The following ACY3 variants were observed in gnomAD, a reference collection of about 807,000 sequenced individuals.
ACY3 encodes N-acyl-aromatic-L-amino acid amidohydrolase (carboxylate-forming).
In ACY3, 20 loss-of-function variants were observed where a neutral mutation model predicts 24.6. The observed-to-expected ratio is 0.81, with a 90% confidence interval of 0.57 to 1.18. The LOEUF (loss-of-function observed/expected upper bound fraction) is 1.18. Ranked by LOEUF, ACY3 falls within the 50% of genes most tolerant of loss-of-function variation. The pLI, the probability that ACY3 is intolerant of heterozygous loss-of-function variation, is 0.00. For missense variants in ACY3, 423 were observed against 426.8 expected (o/e 0.99, Z 0.08); for synonymous variants, 174 against 188.4 (o/e 0.92, Z 0.62).
chr11:67,648,932 C>T (rs1855566647), intron 1 of ACY3, among the ~76,000 whole-genome samples: 1 of 152,158 alleles, frequency 6.6e-6, no homozygotes, highest in Non-Finnish European at 1.5e-5. Context: ...GAGCCCCCTC[C>T]AGGGGCCACT....
intron 3 of ACY3, among the ~76,000 whole-genome samples, chr11:67,646,103 C>T (rs1224757944): frequency 6.6e-6 from 1 of 152,194 alleles, no homozygotes; most frequent in Non-Finnish European, 1.5e-5. Flanking sequence ...CCCGCCCTCC[C>T]ACCTGCCTGC....
chr11:67,644,985 C>T lies in ACY3; in HGVS notation c.634+60G>A, dbSNP rs115780269. On this transcript the variant is annotated intron_variant, in intron 6 of 7. Transcript: ENST00000255082. ...CCTGCCTGTGAGCCTGGCTCCCCAA[C>T]CCCTGAGCCAGACCTGCTCTTCCCC... 8.6e-4 allele frequency: 1,367 copies of T among 1,592,678 alleles called. 8 individuals are homozygous for T. The African/African-American group carries it at 0.016, about 19-fold the overall frequency.
Position 67,642,688 on chromosome 11 carries a change from G to A in ACY3, c.*36C>T, listed in dbSNP as rs1415206060. The A allele has an allele frequency of 6.2e-7, 1 of 1,605,246 alleles. No individual in the cohort carries two copies. The highest frequency in any genetic ancestry group is 1.3e-5 in the African/African-American group (1 of 74,706). On this transcript the variant is annotated 3_prime_UTR_variant, in exon 8 of 8. Transcript: ENST00000255082. ...GCTGTGCCTCAGGACCCATCGTTCA[G>A]ATGGGAAGACTGAGGTTGGGGAGGT... is the stretch of plus-strand genomic sequence containing the variant.
chr11:67,645,605 A>C (rs1855500176), intron 4 of ACY3, 87 bp downstream of exon 4: 4 of 1,470,428 alleles, frequency 2.7e-6, no homozygotes, highest in Non-Finnish European at 2.7e-6. Flanking sequence ...AAGAGGGGCT[A>C]AGCAAAGGAG....
intron 1 of ACY3, among the ~76,000 whole-genome samples, chr11:67,648,289 C>T (rs1050231181): frequency 1.3e-5 from 2 of 151,994 alleles, no homozygotes; most frequent in Non-Finnish European, 2.9e-5. Context: ...CAGCGGCACA[C>T]AGAGCCCTAG....
intron 4 of ACY3, 81 bp downstream of exon 4, chr11:67,645,611 A>G: frequency 6.7e-7 from 1 of 1,485,798 alleles, no homozygotes; most frequent in Non-Finnish European, 9.0e-7. Flanking sequence ...GGCTAAGCAA[A>G]GGAGGTTCCA....
At chr11:67,647,134 T>C in intron 2 of ACY3, 71 bp from the exon 3 acceptor site, 11 of 1,170,142 alleles carry the variant, frequency 9.4e-6, no homozygotes, top group Non-Finnish European at 1.3e-5. Context: ...AGGATGGCGG[T>C]GGGAGGCTCC....
Position 67,644,669 on chromosome 11 carries a change from T to A in ACY3, c.744+91A>T, listed in dbSNP as rs144440852. The stretch of plus-strand genomic sequence containing the variant: ...TCGTGGGAGGCTTGGCTGCACCCCC[T>A]GGGGCTCAGTTTTCCTTGACAATCC... On this transcript the variant is annotated intron_variant, in intron 7 of 7. Transcript: ENST00000255082. 2.6e-3 allele frequency: 3,342 copies of A among 1,281,518 alleles called. 5 individuals are homozygous for A. The highest frequency in any genetic ancestry group is 3.0e-3 in the Non-Finnish European group (2,748 of 929,620). The allele number at this position is 1,281,518 out of a possible 1,614,324, so 79.4% of individuals were successfully genotyped here. A position where few individuals can be genotyped will look rare whatever the true frequency, so the allele number is the denominator to read the frequency against.
intron 7 of ACY3, among the ~76,000 whole-genome samples, chr11:67,643,291 A>G (rs570662935): frequency 1.3e-5 from 2 of 152,264 alleles, no homozygotes; most frequent in Non-Finnish European, 2.9e-5. Context: ...TAAGGATTAC[A>G]ATATCTCCTC....
intron 3 of ACY3, 38 bp downstream of exon 3, chr11:67,646,770 C>T: frequency 6.3e-7 from 1 of 1,594,704 alleles, no homozygotes. Context: ...GACTCGGTGC[C>T]CAACTGCCTG....
rs550841070 is a variant in ACY3, at chr11:67,650,123, C to T, written c.-95+460G>A. Among the ~76,000 whole-genome samples, 202 of 152,182 alleles carry T rather than the reference C, an allele frequency of 1.3e-3. 2 individuals carry two copies. In the Middle Eastern group the frequency reaches 0.017, roughly 13 times the overall value. On this transcript the variant is annotated intron_variant, in intron 1 of 7. Transcript: ENST00000255082. ...AGCTTGAAAATGGGCACATGGAGAC[C>T]CCAGCATGAGTGAGGGCAGAGGATG...
At chr11:67,648,500 C>G (rs568227607) in intron 1 of ACY3, among the ~76,000 whole-genome samples, 1 of 152,166 alleles carries the variant, frequency 6.6e-6, no homozygotes, top group Non-Finnish European at 1.5e-5. Flanking sequence ...AGGCCAGTTC[C>G]GAAGTCACTG....
At chr11:67,644,725 C>T (rs1328211812) in intron 7 of ACY3, 35 bp downstream of exon 7, 2 of 1,436,426 alleles carry the variant, frequency 1.4e-6, no homozygotes, top group Admixed American at 2.4e-5. Flanking sequence ...CCAGAAATCA[C>T]CCCCCACCAC....
chr11:67,649,788 T>C (rs955120454), intron 1 of ACY3, among the ~76,000 whole-genome samples: 1 of 150,968 alleles, frequency 6.6e-6, no homozygotes, highest in Non-Finnish European at 1.5e-5. Context: ...TGTACGTGTG[T>C]GCATGTGCAT....
At chr11:67,643,110 C>T (rs952478210) in intron 7 of ACY3, among the ~76,000 whole-genome samples, 171 bp from the exon 8 acceptor site, 3 of 152,252 alleles carry the variant, frequency 2.0e-5, no homozygotes, top group Non-Finnish European at 4.4e-5. Context: ...CCAGTCTGCT[C>T]TGTGTCTAGA....
rs1374540365 is a variant in ACY3 at position 67,646,907 on chromosome 11, A to G, written c.137T>C (p.Phe46Ser). The G allele has an allele frequency of 1.9e-6, 3 of 1,611,250 alleles. No homozygotes were observed. The highest frequency in any genetic ancestry group is 2.5e-6 in the Non-Finnish European group (3 of 1,179,172). ...HAPAELQRASFSAVPVLANPA... is the reference protein window; with the variant it reads ...HAPAELQRASSSAVPVLANPA... The stretch of plus-strand genomic sequence containing the variant: ...GTTGGCCAGCACAGGCACAGCGGAG[A>G]AGCTGGCTCTCTGCAGCTCTGCGGG... Residue 46 changes from phenylalanine (F) to serine (S), a missense_variant, in exon 3 of 8, where the codon TTC (phenylalanine) becomes TCC (serine). Physicochemically the swap from Phe to Ser is radical, Grantham distance 155 (BLOSUM62 -2). Coordinates refer to ENST00000255082, the MANE Select transcript of ACY3 (RefSeq NM_080658.2).
chr11:67,649,707 ACATGTGTGCGTGTGTGCATGAGAG>A lies in ACY3; in HGVS notation c.-95+852_-95+875del, dbSNP rs1170585180. Among the ~76,000 whole-genome samples, 5 of 140,238 alleles carry A rather than the reference ACATGTGTGCGTGTGTGCATGAGAG, an allele frequency of 3.6e-5. No homozygotes were observed. The South Asian group carries it at 9.1e-4, about 25-fold the overall frequency. 92.0% of individuals were successfully genotyped at this position (140,238 alleles called of 152,430 possible). A position where few individuals can be genotyped will look rare whatever the true frequency, so the allele number is the denominator to read the frequency against. ...TGTGTGCATGTGTGCATGTATGTGT[ACATGTGTGCGTGTGTGCATGAGAG>A]CATGTGTGCGTGTGTGCGCATGTGT... On this transcript the variant is annotated intron_variant, in intron 1 of 7. Coordinates refer to ENST00000255082, the MANE Select transcript of ACY3 (RefSeq NM_080658.2).
chr11:67,646,898 A>G lies in ACY3; in HGVS notation c.146T>C (p.Val49Ala). The G allele has an allele frequency of 6.2e-7, 1 of 1,612,026 alleles. No homozygotes were observed. Among genetic ancestry groups the G allele is most frequent in the Non-Finnish European group, 8.5e-7 (1 of 1,179,572 alleles). ...GGCTGCCGGGTTGGCCAGCACAGGCACAGCGGAGAAGCTGGCTCTCTGCAG... is the reference window on the plus strand; with the variant it reads ...GGCTGCCGGGTTGGCCAGCACAGGCGCAGCGGAGAAGCTGGCTCTCTGCAG... ...AELQRASFSA[V>A]PVLANPAATS... is the part of the protein sequence containing the mutation. Residue 49 changes from valine to alanine, a missense_variant, in exon 3 of 8, where the codon GTG (valine) becomes GCG (alanine). Physicochemically the swap from Val to Ala is moderately conservative, Grantham distance 64 (BLOSUM62 0). Coordinates refer to ENST00000255082, the MANE Select transcript of ACY3 (RefSeq NM_080658.2).
At chr11:67,649,603 CGT>C (rs1470797908) in intron 1 of ACY3, among the ~76,000 whole-genome samples, 5 of 147,724 alleles carry the variant, frequency 3.4e-5, no homozygotes, top group African/African-American at 7.6e-5. Context: ...CATGTGTGTG[CGT>C]GTGTGCACTC....
Sources: allele counts gnomAD v4.1 joint callset (sites outside exome capture counted in the v4.1 genomes callset), GRCh38; gene constraint gnomAD v4.1.1; transcripts MANE v1.5; gene names NCBI Gene and HGNC (gene_info 2026-07-23, HGNC 2026-07-21).